MRC2: variants seen among roughly 807,000 people sequenced by gnomAD.
MRC2 encodes C-type mannose receptor 2.
Under a neutral mutation model 206.2 loss-of-function variants are expected in MRC2, and 84 were observed. The observed-to-expected ratio is 0.41, with a 90% CI of 0.34 to 0.49. The LOEUF is 0.49. Ranked by LOEUF, MRC2 falls within the 20% of genes least tolerant of loss-of-function variation. The pLI is 0.31. For synonymous variants in MRC2, 798 were observed against 800.0 expected (o/e 1.00, Z 0.04); for missense variants, 1,676 against 2,001.5 (o/e 0.84, Z 3.10).
chr17:62,667,412 G>C lies in MRC2; in HGVS notation c.996G>C (p.Glu332Asp), dbSNP rs1405082035. 6.2e-7 allele frequency: 1 copy of C among 1,608,436 alleles called. No homozygotes were observed. The highest frequency in any genetic ancestry group is 2.2e-5 in the East Asian group (1 of 44,538). ...WESDQPDNPS[E>D]ENCGVIRTES... ...CAGACCAGCCGGACAACCCCAGTGA[G>C]GAGAACTGTGGAGTGATCCGCACTG... Residue 332 changes from glutamate (E) to aspartate (D), a missense_variant, in exon 6 of 30, where the codon GAG (glutamate) becomes GAC (aspartate). By Grantham distance (45) the Glu-to-Asp change is conservative. Coordinates refer to ENST00000303375, the MANE Select transcript of MRC2 (RefSeq NM_006039.5). This position sits in a 1 kb window ranked among gnomAD's most constrained non-coding sequence, Gnocchi z 4.1.
In MRC2 at chr17:62,677,460, G is replaced by T. The variant is rs1202734077; in HGVS notation, c.2026G>T (p.Asp676Tyr). Residue 676 changes from aspartate (D) to tyrosine (Y), a missense_variant, in exon 12 of 30, where the codon GAC becomes TAC. This residue lies in a region of MRC2 where 1,354 missense variants were observed against 1,636.6 expected (regional missense o/e 0.83). Transcript: ENST00000303375. ...CTCCTGTCCCCAGGGCTGGGCCTCG[G>T]ACACCAAACTCCGGTATTGCTATAA... ...TGSCPQGWAS[D>Y]TKLRYCYKVF... 1 of 1,607,200 alleles carries T rather than the reference G, an allele frequency of 6.2e-7. No homozygotes were observed. The highest frequency in any genetic ancestry group is 2.2e-5 in the East Asian group (1 of 44,674).
At chr17:62,679,706 C>T (rs2088936460) in intron 13 of MRC2, 94 bp from the exon 14 acceptor site, 1 of 1,234,526 alleles carries the variant, frequency 8.1e-7, no homozygotes, top group Non-Finnish European at 1.1e-6. Context: ...TGGGGGCTGC[C>T]CCGGTCACAG....
chr17:62,630,019 G>T (rs1234808922), intron 1 of MRC2, among the ~76,000 whole-genome samples: 1 of 152,020 alleles, frequency 6.6e-6, no homozygotes, highest in African/African-American at 2.4e-5. Flanking sequence ...GGAGTGGCCC[G>T]CGGAGACTGT....
intron 1 of MRC2, among the ~76,000 whole-genome samples, chr17:62,654,943 A>G (rs188714559): frequency 6.6e-6 from 1 of 152,328 alleles, no homozygotes; most frequent in African/African-American, 2.4e-5. Context: ...CAGGAGTTCA[A>G]GATCAGCTTG....
chr17:62,665,524 G>A (rs2088741258), intron 2 of MRC2, among the ~76,000 whole-genome samples: 3 of 151,960 alleles, frequency 2.0e-5, no homozygotes. Flanking sequence ...TAGTATACAA[G>A]TATATAACAT....
chr17:62,649,905 TAAAA>T (rs769002156), intron 1 of MRC2, among the ~76,000 whole-genome samples: 3 of 151,808 alleles, frequency 2.0e-5, no homozygotes, highest in Non-Finnish European at 2.9e-5. Context: ...TAATTTTTTT[TAAAA>T]TTTTTTTGAG....
intron 1 of MRC2, among the ~76,000 whole-genome samples, chr17:62,634,589 ACGC>A (rs952208305): frequency 1.3e-5 from 2 of 152,126 alleles, no homozygotes; most frequent in African/African-American, 4.8e-5. Context: ...GTGAGCCACC[ACGC>A]CTAGCCCAGA....
chr17:62,690,589 T>C (rs1350994920), intron 26 of MRC2, 53 bp from the exon 27 acceptor site: 15 of 1,412,802 alleles, frequency 1.1e-5, no homozygotes, highest in Non-Finnish European at 1.4e-5. Context: ...TCTGGGGGAC[T>C]CTGCCCCCCC....
chr17:62,687,892 A>T (rs2089051803), intron 20 of MRC2, among the ~76,000 whole-genome samples: 1 of 152,138 alleles, frequency 6.6e-6, no homozygotes, highest in African/African-American at 2.4e-5. Context: ...TGAAAAAAAA[A>T]AAAGTGTCCT....
Position 62,692,186 on chromosome 17 carries a change from G to A in MRC2, c.4220-45G>A. On this transcript the variant is annotated intron_variant, in intron 29 of 29. Transcript: ENST00000303375. The surrounding 1 kb of genome is among the most constrained non-coding windows in gnomAD (Gnocchi z 4.2). ...AGGTGGGCAGGCAGGAAGCACTGCT[G>A]GGCCTAACGCCCACTTGGCCTTTCA... 1 of 1,613,994 alleles carries A rather than the reference G, an allele frequency of 6.2e-7. No individual in the cohort carries two copies. The highest frequency in any genetic ancestry group is 8.5e-7 in the Non-Finnish European group (1 of 1,180,018).
At chr17:62,650,219 A>G (rs139138020) in intron 1 of MRC2, among the ~76,000 whole-genome samples, 1 of 152,320 alleles carries the variant, frequency 6.6e-6, no homozygotes, top group African/African-American at 2.4e-5. Flanking sequence ...ACACCAGGAT[A>G]CTGAAAAATG....
At chr17:62,685,360 A>C (rs1238621277) in intron 20 of MRC2, among the ~76,000 whole-genome samples, 1 of 151,698 alleles carries the variant, frequency 6.6e-6, no homozygotes, top group Non-Finnish European at 1.5e-5. Context: ...TTCCTACCCA[A>C]CTCTTCTTTC....
chr17:62,686,389 G>T (rs757879565), intron 20 of MRC2, among the ~76,000 whole-genome samples: 1 of 152,092 alleles, frequency 6.6e-6, no homozygotes, highest in Non-Finnish European at 1.5e-5. Flanking sequence ...GGAGGCGGAG[G>T]TTGCAGTGAG....
At chr17:62,632,845 C>T (rs1243887609) in intron 1 of MRC2, among the ~76,000 whole-genome samples, 1 of 152,196 alleles carries the variant, frequency 6.6e-6, no homozygotes, top group African/African-American at 2.4e-5. Context: ...TATAGCCAGC[C>T]TTCCTCAGCC....
intron 11 of MRC2, 199 bp downstream of exon 11, chr17:62,676,730 G>A (rs1352914155): frequency 1.8e-6 from 1 of 557,082 alleles, no homozygotes; most frequent in Non-Finnish European, 3.0e-6. Context: ...TGCATCCTCT[G>A]AGCCTCAGTT....
Position 62,672,011 on chromosome 17 carries a change from G to A in MRC2, c.1320G>A (p.Leu440=), listed in dbSNP as rs150871524. The A allele has an allele frequency of 9.5e-5, 154 of 1,614,134 alleles. No homozygotes were observed. In the Admixed American group the frequency reaches 1.1e-3, roughly 11 times the overall value. The change falls in exon 8 of 30, where the codon CTG becomes CTA. Residue 440 remains leucine (L), a synonymous_variant. Transcript: ENST00000303375. The surrounding 1 kb of genome is among the most constrained non-coding windows in gnomAD (Gnocchi z 4.5). ...TKQIKQEVEE[L]WIGLNDLKLQ... ...CTGCACCCCCAGAGGTGGAGGAGCT[G>A]TGGATCGGCCTCAACGATTTGAAAC...
Position 62,672,585 on chromosome 17 carries a change from C to T in MRC2, c.1461+433C>T, listed in dbSNP as rs1020033974. ...TGCTCTACCCAGTCCAGGGTCCTGTCATCTCAAGAGATTGTTGGGTTTTAT... is the reference window on the plus strand; with the variant it reads ...TGCTCTACCCAGTCCAGGGTCCTGTTATCTCAAGAGATTGTTGGGTTTTAT... On this transcript the variant is annotated intron_variant, in intron 8 of 29. Transcript: ENST00000303375. The surrounding 1 kb of genome is among the most constrained non-coding windows in gnomAD (Gnocchi z 4.5). Among the ~76,000 whole-genome samples, 1 of 152,176 alleles carries T rather than the reference C, an allele frequency of 6.6e-6. No homozygotes were observed. Among genetic ancestry groups the T allele is most frequent in the Admixed American group, 6.5e-5 (1 of 15,270 alleles).
rs764844295 is a variant in MRC2, at chr17:62,680,924, G to T, written c.2598G>T (p.Gln866His). Residue 866 changes from glutamine (Q) to histidine (H), a missense_variant, in exon 17 of 30, where the codon CAG becomes CAT. Coordinates refer to ENST00000303375, the MANE Select transcript of MRC2 (RefSeq NM_006039.5). The surrounding 1 kb of genome is among the most constrained non-coding windows in gnomAD (Gnocchi z 4.8). The part of the protein sequence containing the change: ...FQAELTSVHS[Q>H]AELDFLSHNL... Reference sequence around the variant, plus strand: ...CCGAGCTGACCTCGGTGCACAGCCAGGCGGAGCTAGACTTCCTGAGCCACA... The same window carrying T: ...CCGAGCTGACCTCGGTGCACAGCCATGCGGAGCTAGACTTCCTGAGCCACA... The T allele has an allele frequency of 9.3e-6, 15 of 1,613,214 alleles. No homozygotes were observed. The Middle Eastern group carries it at 6.6e-4, about 71-fold the overall frequency.
intron 20 of MRC2, among the ~76,000 whole-genome samples, chr17:62,686,293 A>G (rs1462396404): frequency 6.6e-6 from 1 of 152,086 alleles, no homozygotes; most frequent in African/African-American, 2.4e-5. Flanking sequence ...TCTCTACTAA[A>G]AATACAAAAA....
Sources: allele counts gnomAD v4.1 joint callset (sites outside exome capture counted in the v4.1 genomes callset), GRCh38; gene constraint gnomAD v4.1.1; regional missense constraint gnomAD v4.1.1; non-coding constraint Gnocchi (gnomAD v3.1); transcripts MANE v1.5; gene names NCBI Gene and HGNC (gene_info 2026-07-23, HGNC 2026-07-21).